The following VPS53 variants were observed in gnomAD, a reference collection of about 807,000 sequenced individuals.
VPS53 encodes vacuolar protein sorting-associated protein 53 homolog.
Under a neutral mutation model 107.0 loss-of-function variants are expected in VPS53, and 70 were observed. That is an observed-to-expected ratio of 0.65 (90% confidence interval 0.54 to 0.80). VPS53 has a LOEUF of 0.80. Among genes scored for constraint, VPS53 ranks in the 30% least tolerant of loss-of-function variants. The pLI, the probability that VPS53 is intolerant of heterozygous loss-of-function variation, is 0.00. For missense variants in VPS53, 917 were observed against 1,049.4 expected (o/e 0.87, Z 1.74); for synonymous variants, 409 against 393.3 (o/e 1.04, Z -0.47).
Position 562,505 on chromosome 17 carries a change from G to C in VPS53, c.1554C>G (p.Pro518=), listed in dbSNP as rs1455946233. ...YAWKILSGNL[P]KTTTSSGGLT... Reference sequence around the variant, plus strand: ...AGACTATGAAGAACAGGACTCACTTGGGCAGGTTGCCAGAGAGGATTTTCC... The same window carrying C: ...AGACTATGAAGAACAGGACTCACTTCGGCAGGTTGCCAGAGAGGATTTTCC... The change falls in exon 14 of 22, where the codon CCC becomes CCG. Residue 518 remains proline (P), a splice_region_variant and synonymous_variant. Transcript: ENST00000437048. 3 of 1,613,848 alleles carry C rather than the reference G, an allele frequency of 1.9e-6. No individual in the cohort carries two copies. The highest frequency in any genetic ancestry group is 3.3e-5 in the Admixed American group (2 of 59,960).
intron 4 of VPS53, among the ~76,000 whole-genome samples, chr17:665,144 T>A (rs1460103860): frequency 6.6e-6 from 1 of 152,152 alleles, no homozygotes; most frequent in African/African-American, 2.4e-5. Context: ...CACGAACAAA[T>A]GAATGGCATT....
In VPS53 at chr17:629,809, C is replaced by CA. The variant is rs1290397212; in HGVS notation, c.688-1579_688-1578insT. Among the ~76,000 whole-genome samples, 1,336 of 140,790 alleles carry CA rather than the reference C, an allele frequency of 9.5e-3. 7 individuals carry two copies. The highest frequency in any genetic ancestry group is 0.022 in the Middle Eastern group (6 of 278). The allele number at this position is 140,790 out of a possible 152,430, so 92.4% of individuals were successfully genotyped here. ...AACTAAAAACAAAACAAAAAAAAAA[C>CA]CACACACACACACACACACACACAC... On this transcript the variant is annotated intron_variant, in intron 8 of 21. Coordinates refer to ENST00000437048, the MANE Select transcript of VPS53 (RefSeq NM_001128159.3).
At chr17:537,598 C>G (rs979240135) in intron 17 of VPS53, 7 of 156,358 alleles carry the variant, frequency 4.5e-5, no homozygotes, top group Non-Finnish European at 1.4e-5. Flanking sequence ...TGACATGCAA[C>G]CTGGAGGGGA....
At chr17:542,646 T>G (rs943110777) in intron 17 of VPS53, among the ~76,000 whole-genome samples, 3 of 152,214 alleles carry the variant, frequency 2.0e-5, no homozygotes, top group African/African-American at 7.2e-5. Flanking sequence ...ATGTATCAAT[T>G]AATTGAAATT....
intron 11 of VPS53, among the ~76,000 whole-genome samples, chr17:612,939 TATTCAAATAGTGA>T (rs1296107090): frequency 1.3e-5 from 2 of 150,544 alleles, no homozygotes; most frequent in East Asian, 3.9e-4. Context: ...TTCACAGCAG[TATTCAAATAGTGA>T]ATTCACACAG....
At chr17:673,177 C>G (rs1972034302) in intron 4 of VPS53, among the ~76,000 whole-genome samples, 1 of 151,696 alleles carries the variant, frequency 6.6e-6, no homozygotes, top group African/African-American at 2.4e-5. Context: ...GCCAGGAGGT[C>G]CTCCAGAGAG....
At chr17:659,035 A>AT (rs1308661578) in intron 5 of VPS53, among the ~76,000 whole-genome samples, 1 of 141,602 alleles carries the variant, frequency 7.1e-6, no homozygotes, top group Non-Finnish European at 1.6e-5. Context: ...TTTCCAATGA[A>AT]TTAAAAAAAA....
chr17:635,767 G>A (rs904926143), intron 7 of VPS53, among the ~76,000 whole-genome samples: 2 of 152,080 alleles, frequency 1.3e-5, no homozygotes, highest in Non-Finnish European at 2.9e-5. Context: ...TCTCTGTTTT[G>A]GTACCAGTAC....
intron 4 of VPS53, among the ~76,000 whole-genome samples, chr17:673,354 C>T (rs533340462): frequency 1.3e-5 from 2 of 152,290 alleles, no homozygotes; most frequent in South Asian, 2.1e-4. Flanking sequence ...GCTATGGAAA[C>T]GAGGTATCCC....
At chr17:609,990 G>A (rs113316676) in intron 11 of VPS53, among the ~76,000 whole-genome samples, 5,928 of 152,094 alleles carry the variant, frequency 0.039, 158 homozygotes, top group East Asian at 0.12. Flanking sequence ...AAATTAGCCA[G>A]GCGTGGTGGC....
At chr17:576,493 T>C (rs577530380) in intron 13 of VPS53, among the ~76,000 whole-genome samples, 2 of 148,546 alleles carry the variant, frequency 1.3e-5, no homozygotes, top group Non-Finnish European at 3.0e-5. Flanking sequence ...CAGCACCTAA[T>C]GTGTTCCCAG....
intron 5 of VPS53, among the ~76,000 whole-genome samples, chr17:656,530 G>A (rs1971194329): frequency 6.6e-6 from 1 of 152,312 alleles, no homozygotes. Flanking sequence ...GTAAGAGCCT[G>A]ACAGTGTTGT....
In VPS53 at chr17:607,908, C is replaced by T. The variant is rs527718025; in HGVS notation, c.1117-6012G>A. Among the ~76,000 whole-genome samples, 7 of 152,210 alleles carry T rather than the reference C, an allele frequency of 4.6e-5. No individual in the cohort carries two copies. In the East Asian group the frequency reaches 5.8e-4, roughly 13 times the overall value. ...GTCTGGCTTCAGTCAGCAGTACATC[C>T]GTATCTCGTCTGCCTACACAAATCC... On this transcript the variant is annotated intron_variant, in intron 11 of 21. Transcript: ENST00000437048.
chr17:643,209 TG>T (rs1567701346), intron 7 of VPS53, among the ~76,000 whole-genome samples: 2 of 12,908 alleles, frequency 1.5e-4, no homozygotes, highest in Non-Finnish European at 2.8e-4. Context: ...ACTTGGCAAC[TG>T]AGGACAACAC....
chr17:698,003 C>T (rs963247024), intron 3 of VPS53, among the ~76,000 whole-genome samples: 9 of 152,174 alleles, frequency 5.9e-5, no homozygotes, highest in African/African-American at 1.9e-4. Context: ...TGGGCCACCA[C>T]CCAACCCACC....
chr17:714,413 G>A (rs918458932), intron 1 of VPS53: 7 of 575,242 alleles, frequency 1.2e-5, no homozygotes, highest in South Asian at 6.2e-5. Context: ...CCCAGCCCTC[G>A]CCAAAGACAA....
Position 655,845 on chromosome 17 carries a change from A to T in VPS53, c.481T>A (p.Ser161Thr). ...AAAGTTGGCATTGCTTACTCGAGGGAGTCGACACCTCCTGCCAGCATGTGC... is the reference window on the plus strand; with the variant it reads ...AAAGTTGGCATTGCTTACTCGAGGGTGTCGACACCTCCTGCCAGCATGTGC... The part of the protein sequence containing the change: ...HLHMLAGGVD[S>T]LEAMTRRRQY... Residue 161 changes from serine to threonine, a missense_variant, in exon 6 of 22, where the codon TCC becomes ACC. Ser to Thr is a moderately conservative substitution (Grantham distance 58). Coordinates refer to ENST00000437048, the MANE Select transcript of VPS53 (RefSeq NM_001128159.3). The T allele has an allele frequency of 6.2e-7, 1 of 1,612,878 alleles. No homozygotes were observed.
In VPS53 at chr17:532,683, A is replaced by T. The variant is rs1484450519; in HGVS notation, c.2085+159T>A. 3.5e-6 allele frequency: 5 copies of T among 1,412,326 alleles called. No individual in the cohort carries two copies. In the African/African-American group the frequency reaches 5.8e-5, roughly 16 times the overall value. 87.5% of individuals were successfully genotyped at this position (1,412,326 alleles called of 1,614,324 possible). On this transcript the variant is annotated intron_variant, in intron 19 of 21. Coordinates refer to ENST00000437048, the MANE Select transcript of VPS53 (RefSeq NM_001128159.3). ...AACAAAATTTTTAAAAATAAATGGAAGAACGAATTAAGAAACCTTCCGGGT... is the reference window on the plus strand; with the variant it reads ...AACAAAATTTTTAAAAATAAATGGATGAACGAATTAAGAAACCTTCCGGGT...
At position 661,922 on chromosome 17, in the gene VPS53, C is replaced by A. The variant is rs1263298363; in HGVS notation, c.286-27G>T. The A allele has an allele frequency of 4.6e-6, 7 of 1,535,856 alleles. No individual in the cohort carries two copies. In the Admixed American group the frequency reaches 8.2e-5, roughly 18 times the overall value. ...TAGAGTAAGGGAAATACATGAAAAA[C>A]AAAAAGTGGCTAGAGACAGCTCCAG... On this transcript the variant is annotated intron_variant, in intron 4 of 21. Transcript: ENST00000437048.
Sources: allele counts gnomAD v4.1 joint callset (sites outside exome capture counted in the v4.1 genomes callset), GRCh38; gene constraint gnomAD v4.1.1; transcripts MANE v1.5; gene names NCBI Gene and HGNC (gene_info 2026-07-23, HGNC 2026-07-21).